The following NTS variants were observed in gnomAD, a reference collection of about 807,000 sequenced individuals.
The protein encoded by NTS is neurotensin.
Under a neutral mutation model 19.5 loss-of-function variants are expected in NTS, and 20 were observed. The observed-to-expected ratio is 1.02, with a 90% CI of 0.72 to 1.49. The LOEUF (loss-of-function observed/expected upper bound fraction) is 1.49. Ranked by LOEUF, NTS falls within the 40% of genes most tolerant of loss-of-function variation. NTS has a pLI of 0.00. For missense variants in NTS, 215 were observed against 193.1 expected, an observed-to-expected ratio of 1.11 and a Z score of -0.67; for synonymous variants, 71 against 63.3, an observed-to-expected ratio of 1.12 and a Z score of -0.58.
chr12:85,878,691 A>G (rs1881402823), intron 3 of NTS, 122 bp downstream of exon 3: 2 of 563,178 alleles, frequency 3.6e-6, no homozygotes, highest in East Asian at 3.2e-5. Flanking sequence ...GAAGAAGAAC[A>G]AGCCATGTTT....
Position 85,882,975 on chromosome 12 carries a change from A to C in NTS, c.*600A>C, listed in dbSNP as rs1357533676. The C allele has an allele frequency of 6.6e-6, 1 of 152,098 alleles. No homozygotes were observed. The highest frequency in any genetic ancestry group is 1.5e-5 in the Non-Finnish European group (1 of 67,954). 9.4% of individuals were successfully genotyped at this position (152,098 alleles called of 1,614,324 possible). ...TGAACTTGATAGCTAATAAAAAGAC[A>C]ACTAGCCATCAAAATCATATGTTTC... On this transcript the variant is annotated 3_prime_UTR_variant, in exon 4 of 4. Transcript: ENST00000256010.
intron 2 of NTS, 128 bp downstream of exon 2, chr12:85,876,829 T>C: frequency 2.1e-6 from 1 of 465,984 alleles, no homozygotes; most frequent in Non-Finnish European, 3.7e-6. Context: ...CATTTCCTTT[T>C]TGAAAAAAAA....
rs779667555 is a variant in NTS, at chr12:85,882,265, G to A, written c.403G>A (p.Gly135Arg). 6.2e-7 allele frequency: 1 copy of A among 1,605,824 alleles called. No individual in the cohort carries two copies. Among genetic ancestry groups the A allele is most frequent in the East Asian group, 2.2e-5 (1 of 44,580 alleles). ...TCTTGATACTGGAAATGACAAAAAT[G>A]GAAAGGAAGAAGTCATAAAGAGAAA... The part of the protein sequence containing the change: ...DILDTGNDKN[G>R]KEEVIKRKIP... Residue 135 changes from glycine to arginine, a missense_variant, in exon 4 of 4, where the codon GGA (glycine) becomes AGA (arginine). Coordinates refer to ENST00000256010, the MANE Select transcript of NTS (RefSeq NM_006183.5).
intron 1 of NTS, among the ~76,000 whole-genome samples, chr12:85,875,281 A>G (rs565404721): frequency 3.9e-4 from 60 of 152,262 alleles, no homozygotes; most frequent in African/African-American, 1.4e-3. Context: ...GAAATATTAC[A>G]ACCATTGCAA....
intron 3 of NTS, among the ~76,000 whole-genome samples, chr12:85,881,050 C>T (rs1156373125): frequency 2.0e-5 from 3 of 152,094 alleles, no homozygotes; most frequent in South Asian, 2.1e-4. Flanking sequence ...AAAAAAACCT[C>T]AGTAAACTAT....
intron 3 of NTS, among the ~76,000 whole-genome samples, chr12:85,878,897 G>C (rs569069931): frequency 1.3e-5 from 2 of 151,842 alleles, no homozygotes; most frequent in Admixed American, 6.6e-5. Context: ...ACAAATTTAA[G>C]CAACTCAAAA....
At position 85,882,458 on chromosome 12, in the gene NTS, C is replaced by A; in HGVS notation, c.*83C>A. The stretch of plus-strand genomic sequence containing the variant: ...AAATTATATTTGTGTGAAAATGTGA[C>A]AAACACACTTATCTGTCTCTTCTAC... On this transcript the variant is annotated 3_prime_UTR_variant, in exon 4 of 4. Coordinates refer to ENST00000256010, the MANE Select transcript of NTS (RefSeq NM_006183.5). 2 of 1,080,020 alleles carry A rather than the reference C, an allele frequency of 1.9e-6. No individual in the cohort carries two copies. Among genetic ancestry groups the A allele is most frequent in the Non-Finnish European group, 2.6e-6 (2 of 755,040 alleles). The allele number at this position is 1,080,020 out of a possible 1,614,324, so 66.9% of individuals were successfully genotyped here.
chr12:85,876,511 A>G, intron 1 of NTS, 129 bp from the exon 2 acceptor site: 1 of 467,314 alleles, frequency 2.1e-6, no homozygotes, highest in Non-Finnish European at 3.7e-6. Flanking sequence ...TAGGATTACT[A>G]TTTTTAAGAA....
At position 85,879,905 on chromosome 12, in the gene NTS, G is replaced by A. The variant is rs1271031830; in HGVS notation, c.360+1336G>A. On this transcript the variant is annotated intron_variant, in intron 3 of 3. Coordinates refer to ENST00000256010, the MANE Select transcript of NTS (RefSeq NM_006183.5). ...TAAAATATATAAAAATATATTTTAT[G>A]TATATAAAAATATAGAATAAGGATA... is the stretch of plus-strand genomic sequence containing the variant. Among the ~76,000 whole-genome samples, 4 of 144,962 alleles carry A rather than the reference G, an allele frequency of 2.8e-5. No individual in the cohort carries two copies. In the East Asian group the frequency reaches 6.0e-4, roughly 22 times the overall value.
intron 1 of NTS, among the ~76,000 whole-genome samples, chr12:85,875,119 A>G (rs913798924): frequency 6.6e-6 from 1 of 152,216 alleles, no homozygotes; most frequent in Non-Finnish European, 1.5e-5. Flanking sequence ...TTAAGTTAAT[A>G]CAAAATACAA....
At chr12:85,882,153 T>C (rs1421887137) in intron 3 of NTS, 70 bp from the exon 4 acceptor site, 1 of 1,192,282 alleles carries the variant, frequency 8.4e-7, no homozygotes, top group Non-Finnish European at 1.2e-6. Flanking sequence ...TGAGATAGAA[T>C]GTAGAAAAAT....
chr12:85,880,095 A>T (rs541994142), intron 3 of NTS, among the ~76,000 whole-genome samples: 1 of 151,012 alleles, frequency 6.6e-6, no homozygotes, highest in South Asian at 2.1e-4. Flanking sequence ...TAATTTATAT[A>T]AAGGTATATA....
chr12:85,879,619 TG>T (rs1881450954), intron 3 of NTS, among the ~76,000 whole-genome samples: 2 of 81,512 alleles, frequency 2.5e-5, no homozygotes, highest in Non-Finnish European at 2.6e-5. Flanking sequence ...ATATATTTTT[TG>T]TATATTTTAT....
Position 85,882,306 on chromosome 12 carries a change from G to C in NTS, c.444G>C (p.Leu148=). Residue 148 remains leucine (L), a synonymous_variant, in exon 4 of 4, where the codon CTG becomes CTC. Coordinates refer to ENST00000256010, the MANE Select transcript of NTS (RefSeq NM_006183.5). ...TAAAGAGAAAAATTCCTTATATTCTGAAACGGCAGCTGTATGAGAATAAAC... is the reference window on the plus strand; with the variant it reads ...TAAAGAGAAAAATTCCTTATATTCTCAAACGGCAGCTGTATGAGAATAAAC... ...EVIKRKIPYI[L]KRQLYENKPR... 1 of 1,608,792 alleles carries C rather than the reference G, an allele frequency of 6.2e-7. No individual in the cohort carries two copies. The highest frequency in any genetic ancestry group is 8.5e-7 in the Non-Finnish European group (1 of 1,177,710).
chr12:85,882,080 A>G, intron 3 of NTS, 143 bp from the exon 4 acceptor site: 1 of 631,744 alleles, frequency 1.6e-6, no homozygotes, highest in Non-Finnish European at 2.7e-6. Flanking sequence ...TGAAAAAACA[A>G]TTTCTTTGAA....
chr12:85,875,163 T>A (rs56169451), intron 1 of NTS, among the ~76,000 whole-genome samples: 3 of 152,222 alleles, frequency 2.0e-5, no homozygotes, highest in African/African-American at 7.2e-5. Flanking sequence ...TGATGGAAAT[T>A]ATTTGACTTT....
chr12:85,878,118 T>G, intron 2 of NTS: 1 of 372,392 alleles, frequency 2.7e-6, no homozygotes, highest in South Asian at 7.2e-5. Flanking sequence ...TGTACACACA[T>G]AAGTGCATGT....
Position 85,882,144 on chromosome 12 carries a change from GAGAT to G in NTS, c.361-75_361-72del, listed in dbSNP as rs1171892204. ...ATGTCTTGCTGTCTTAACAGCAAAT[GAGAT>G]AGAATGTAGAAAAATGCTCTGAAAC... On this transcript the variant is annotated intron_variant, in intron 3 of 3. Transcript: ENST00000256010. 1.3e-5 allele frequency: 14 copies of G among 1,113,108 alleles called. No homozygotes were observed. In the Admixed American group the frequency reaches 1.9e-4, roughly 15 times the overall value. The allele number at this position is 1,113,108 out of a possible 1,614,324, so 69.0% of individuals were successfully genotyped here.
chr12:85,874,374 T>A lies in NTS; in HGVS notation c.-30T>A. ...CCCCCTTCAGTGTGCTTCTGACTTT[T>A]ACGGACTTGGCTTGTTAGAAGGCTG... On this transcript the variant is annotated 5_prime_UTR_variant, in exon 1 of 4. Transcript: ENST00000256010. 1 of 1,577,714 alleles carries A rather than the reference T, an allele frequency of 6.3e-7. No homozygotes were observed. Among genetic ancestry groups the A allele is most frequent in the Non-Finnish European group, 8.7e-7 (1 of 1,146,884 alleles).
Sources: allele counts gnomAD v4.1 joint callset (sites outside exome capture counted in the v4.1 genomes callset), GRCh38; gene constraint gnomAD v4.1.1; transcripts MANE v1.5; gene names NCBI Gene and HGNC (gene_info 2026-07-23, HGNC 2026-07-21).